Variants in SMC5 observed in about 807,000 individuals in gnomAD.
The protein encoded by SMC5 is structural maintenance of chromosomes protein 5.
Under a neutral mutation model 148.3 loss-of-function variants are expected in SMC5, and 88 were observed. The ratio of observed to expected loss-of-function variants is 0.59; its 90% confidence interval spans 0.50 to 0.71. The LOEUF (loss-of-function observed/expected upper bound fraction) is 0.71. SMC5 is among the 30% of genes least tolerant of loss of function. The pLI is 0.00. For missense variants in SMC5, 1,142 were observed against 1,298.9 expected (o/e 0.88, Z 1.86); for synonymous variants, 421 against 432.8 (o/e 0.97, Z 0.34).
rs1483628423 is a variant in SMC5, at chr9:70,291,228, A to G, written c.1053+4957A>G. ...AATGACTGAATCTGTATTTCCTAAA[A>G]TGCCTGTAACCCATATGTTTCCCAG... On this transcript the variant is annotated intron_variant, in intron 8 of 24. Transcript: ENST00000361138. Among the ~76,000 whole-genome samples the G allele has an allele frequency of 3.3e-5, 5 of 152,178 alleles. No individual in the cohort carries two copies. The East Asian group carries it at 9.6e-4, about 29-fold the overall frequency.
chr9:70,331,782 C>T (rs1232507574), intron 17 of SMC5, among the ~76,000 whole-genome samples: 6 of 152,044 alleles, frequency 3.9e-5, no homozygotes. Flanking sequence ...TAACAGGAAC[C>T]ATATTTACTG....
At chr9:70,279,688 G>A (rs1468023593) in intron 5 of SMC5, among the ~76,000 whole-genome samples, 2 of 151,786 alleles carry the variant, frequency 1.3e-5, no homozygotes, top group Non-Finnish European at 2.9e-5. Context: ...GTGATGGTGG[G>A]CGCCTGTAAT....
chr9:70,340,420 T>G (rs2036488763), intron 17 of SMC5, among the ~76,000 whole-genome samples: 3 of 152,146 alleles, frequency 2.0e-5, no homozygotes, highest in East Asian at 1.9e-4. Flanking sequence ...AAGTTAAGAT[T>G]ATTATTCTAA....
In SMC5 at chr9:70,318,938, CA is replaced by C; in HGVS notation, c.2131del (p.Ile711SerfsTer5). ...AAAAACCAAGAAAAGACAACTGGAA[CA>C]AAAAATCAGTTCCAAACTAGGAAGG... ...ERKTKKRQLE[Q>X]KISSKLGSLK... is the part of the protein sequence containing the mutation. On this transcript the variant is annotated frameshift_variant, in exon 15 of 25. Coordinates refer to ENST00000361138, the MANE Select transcript of SMC5 (RefSeq NM_015110.4). LOFTEE classifies it high-confidence loss of function. The C allele has an allele frequency of 1.2e-6, 2 of 1,607,308 alleles. No homozygotes were observed. Among genetic ancestry groups the C allele is most frequent in the Non-Finnish European group, 1.7e-6 (2 of 1,177,838 alleles).
chr9:70,298,268 A>G (rs1269219883), intron 9 of SMC5, 47 bp downstream of exon 9: 2 of 1,542,888 alleles, frequency 1.3e-6, no homozygotes, highest in South Asian at 1.2e-5. Flanking sequence ...ATGTAGATAC[A>G]TCTCTGTTGA....
chr9:70,342,057 C>T (rs191767922), intron 17 of SMC5, among the ~76,000 whole-genome samples: 10,098 of 150,062 alleles, frequency 0.067, 526 homozygotes, highest in East Asian at 0.22. Flanking sequence ...TACTATGCAG[C>T]CATAAAAAAT....
intron 17 of SMC5, among the ~76,000 whole-genome samples, chr9:70,342,454 A>G (rs1029794520): frequency 3.9e-5 from 6 of 152,132 alleles, no homozygotes; most frequent in African/African-American, 1.4e-4. Context: ...GATATTAATC[A>G]AGTAGATCTG....
chr9:70,276,196 A>C (rs550236009), intron 3 of SMC5, among the ~76,000 whole-genome samples: 9 of 152,354 alleles, frequency 5.9e-5, no homozygotes, highest in African/African-American at 2.2e-4. Context: ...CAGTGAGGGT[A>C]TATCGCTTAG....
chr9:70,262,083 A>G (rs1256073823), intron 1 of SMC5, among the ~76,000 whole-genome samples: 3 of 152,176 alleles, frequency 2.0e-5, no homozygotes, highest in Non-Finnish European at 4.4e-5. Context: ...CATGAGGTAG[A>G]GAAAGATGCG....
intron 17 of SMC5, among the ~76,000 whole-genome samples, chr9:70,330,644 G>A (rs1208821843): frequency 1.3e-5 from 2 of 149,528 alleles, no homozygotes; most frequent in African/African-American, 4.9e-5. Flanking sequence ...CTGGGTTCAA[G>A]CGATTTTCCT....
intron 11 of SMC5, among the ~76,000 whole-genome samples, chr9:70,313,190 T>C (rs1024045533): frequency 1.3e-5 from 2 of 152,220 alleles, no homozygotes; most frequent in Non-Finnish European, 2.9e-5. Flanking sequence ...TTTTGTGATA[T>C]TATCTTTTTA....
In SMC5 at chr9:70,323,516, TGAAGAG is replaced by T. The variant is rs758061449; in HGVS notation, c.2191_2196del (p.Glu731_Glu732del). On this transcript the variant is annotated inframe_deletion, in exon 16 of 25. Coordinates refer to ENST00000361138, the MANE Select transcript of SMC5 (RefSeq NM_015110.4). ...TGATGGAACAGGATACTTGCAATCT[TGAAGAG>T]GAAGAGCGAAAAGCAAGTACCAAAA... 1.2e-6 allele frequency: 2 copies of T among 1,611,768 alleles called. No individual in the cohort carries two copies. The highest frequency in any genetic ancestry group is 1.7e-6 in the Non-Finnish European group (2 of 1,179,524).
chr9:70,318,409 G>T, intron 13 of SMC5, 105 bp from the exon 14 acceptor site: 1 of 931,672 alleles, frequency 1.1e-6, no homozygotes. Context: ...TGTATATCTC[G>T]TATATTTTGA....
In SMC5 at chr9:70,348,004, G is replaced by C. The variant is rs1319963606; in HGVS notation, c.2855G>C (p.Cys952Ser). The change falls in exon 22 of 25, where the codon TGT (cysteine) becomes TCT (serine). Residue 952 changes from cysteine to serine, a missense_variant. Transcript: ENST00000361138. ...KFSNFFSSMQ[C>S]AGEVDLHTEN... ...AGCAATTTTTTTAGTTCCATGCAGT[G>C]TGCTGGTGAAGTTGATCTCCATACA... is the stretch of plus-strand genomic sequence containing the variant. The C allele has an allele frequency of 6.2e-7, 1 of 1,601,772 alleles. No homozygotes were observed. The highest frequency in any genetic ancestry group is 8.5e-7 in the Non-Finnish European group (1 of 1,176,356).
Position 70,324,048 on chromosome 9 carries a change from G to A in SMC5, c.2302G>A (p.Val768Ile). The A allele has an allele frequency of 6.3e-7, 1 of 1,583,582 alleles. No homozygotes were observed. Among genetic ancestry groups the A allele is most frequent in the Non-Finnish European group, 8.5e-7 (1 of 1,171,522 alleles). ...TTGTACTTCTTTGCATATACAAAAAGTAGATTTAATTCTCCAAAATACTAC... is the reference window on the plus strand; with the variant it reads ...TTGTACTTCTTTGCATATACAAAAAATAGATTTAATTCTCCAAAATACTAC... ...KICTSLHIQK[V>I]DLILQNTTVI... The change falls in exon 17 of 25, where the codon GTA (valine) becomes ATA (isoleucine). Residue 768 changes from valine (V) to isoleucine (I), a missense_variant. By Grantham distance (29) the Val-to-Ile change is conservative. Coordinates refer to ENST00000361138, the MANE Select transcript of SMC5 (RefSeq NM_015110.4).
intron 3 of SMC5, 128 bp from the exon 4 acceptor site, chr9:70,277,182 C>A: frequency 1.4e-6 from 1 of 728,916 alleles, no homozygotes; most frequent in Non-Finnish European, 1.9e-6. Context: ...GCCAAAATAT[C>A]AAAAGGAGTA....
chr9:70,321,587 G>T (rs565272856), intron 15 of SMC5, among the ~76,000 whole-genome samples: 1 of 151,824 alleles, frequency 6.6e-6, no homozygotes, highest in South Asian at 2.1e-4. Flanking sequence ...TTGCTATGTT[G>T]CTGGGGCTGG....
chr9:70,340,083 G>A (rs2036478847), intron 17 of SMC5, among the ~76,000 whole-genome samples: 1 of 152,100 alleles, frequency 6.6e-6, no homozygotes, highest in Non-Finnish European at 1.5e-5. Flanking sequence ...ATATCAAGAT[G>A]CCTAGTGTGC....
chr9:70,276,864 T>A (rs936270207), intron 3 of SMC5, among the ~76,000 whole-genome samples: 1 of 152,230 alleles, frequency 6.6e-6, no homozygotes, highest in Non-Finnish European at 1.5e-5. Flanking sequence ...TTTTGATTTC[T>A]GGAAATGCCA....
Sources: allele counts gnomAD v4.1 joint callset (sites outside exome capture counted in the v4.1 genomes callset), GRCh38; gene constraint gnomAD v4.1.1; transcripts MANE v1.5; gene names NCBI Gene and HGNC (gene_info 2026-07-23, HGNC 2026-07-21).